SPOCK1: variants seen among roughly 807,000 people sequenced by gnomAD.
SPOCK1 encodes testican-1.
A neutral mutation model predicts 55.3 loss-of-function variants in SPOCK1; 23 were observed. That is an observed-to-expected ratio of 0.42 (90% confidence interval 0.30 to 0.59). SPOCK1 has a LOEUF of 0.59. SPOCK1 is among the 20% of genes least tolerant of loss of function. SPOCK1 has a pLI of 0.22. For synonymous variants in SPOCK1, 226 were observed against 221.0 expected (o/e 1.02, Z -0.20); for missense variants, 499 against 552.5 (o/e 0.90, Z 0.97).
chr5:137,362,867 T>G (rs1750981026), intron 2 of SPOCK1, among the ~76,000 whole-genome samples: 1 of 152,234 alleles, frequency 6.6e-6, no homozygotes, highest in Admixed American at 6.5e-5. Context: ...AGCTCCTGAC[T>G]TAGCACTAAT....
chr5:137,358,929 T>C (rs1750882272), intron 2 of SPOCK1, among the ~76,000 whole-genome samples: 1 of 152,160 alleles, frequency 6.6e-6, no homozygotes, highest in South Asian at 2.1e-4. Flanking sequence ...TGGATGGTAC[T>C]GAAAGTATGA....
At position 137,207,123 on chromosome 5, in the gene SPOCK1, A is replaced by G. The variant is rs115028791; in HGVS notation, c.232+59887T>C. 4.1e-3 allele frequency among the ~76,000 whole-genome samples: 630 copies of G among 152,362 alleles called. 2 individuals carry two copies. The highest frequency in any genetic ancestry group is 0.015 in the African/African-American group (619 of 41,592). On this transcript the variant is annotated intron_variant, in intron 3 of 10. Coordinates refer to ENST00000394945, the MANE Select transcript of SPOCK1 (RefSeq NM_004598.4). ...TTCCCAGCTCCAGTCTCAGGTCTCC[A>G]GAATGTCCTCTTGCCCAGGTCCTCT...
intron 2 of SPOCK1, among the ~76,000 whole-genome samples, chr5:137,439,965 C>G (rs1014668975): frequency 3.3e-5 from 5 of 152,142 alleles, no homozygotes; most frequent in Non-Finnish European, 7.3e-5. Context: ...GTCCCTCTTA[C>G]AGATGAACAA....
chr5:137,138,179 T>C (rs1172910610), intron 4 of SPOCK1, among the ~76,000 whole-genome samples: 1 of 152,206 alleles, frequency 6.6e-6, no homozygotes, highest in Non-Finnish European at 1.5e-5. Flanking sequence ...ATAGCCAACC[T>C]GGGAATTGAG....
chr5:137,040,566 G>C (rs1429761530), intron 6 of SPOCK1, among the ~76,000 whole-genome samples: 1 of 152,224 alleles, frequency 6.6e-6, no homozygotes, highest in Admixed American at 6.5e-5. Flanking sequence ...CCATAGAAGT[G>C]ACCAGAGAAG....
chr5:137,254,126 C>T (rs1291705909), intron 3 of SPOCK1, among the ~76,000 whole-genome samples: 1 of 152,146 alleles, frequency 6.6e-6, no homozygotes, highest in Non-Finnish European at 1.5e-5. Context: ...AAGCAAAAAT[C>T]ATAATTATTA....
At chr5:137,330,273 C>T (rs11740211) in intron 2 of SPOCK1, among the ~76,000 whole-genome samples, 32,722 of 152,026 alleles carry the variant, frequency 0.22, 3,692 homozygotes, top group African/African-American at 0.28. Flanking sequence ...TTGTCAGTGG[C>T]GAGCGGCTTT....
intron 3 of SPOCK1, among the ~76,000 whole-genome samples, chr5:137,142,400 A>G (rs1754117368): frequency 6.6e-6 from 1 of 152,160 alleles, no homozygotes; most frequent in Non-Finnish European, 1.5e-5. Flanking sequence ...CACAACATCC[A>G]AAAGCATTTC....
intron 2 of SPOCK1, among the ~76,000 whole-genome samples, chr5:137,436,725 G>C (rs1752872882): frequency 6.6e-6 from 1 of 152,210 alleles, no homozygotes; most frequent in African/African-American, 2.4e-5. Flanking sequence ...ATCACACAGA[G>C]AGAAACTGGC....
chr5:137,302,073 A>C (rs1041101261), intron 2 of SPOCK1, among the ~76,000 whole-genome samples: 1 of 152,224 alleles, frequency 6.6e-6, no homozygotes, highest in Non-Finnish European at 1.5e-5. Context: ...CTGCCAAATA[A>C]TATTGCAGAA....
chr5:137,116,386 T>C (rs1479567612), intron 4 of SPOCK1, among the ~76,000 whole-genome samples: 1 of 152,216 alleles, frequency 6.6e-6, no homozygotes, highest in African/African-American at 2.4e-5. Context: ...GCTCAACGCC[T>C]AAAATCCCAG....
At chr5:137,109,265 G>A (rs946441542) in intron 5 of SPOCK1, among the ~76,000 whole-genome samples, 2 of 152,198 alleles carry the variant, frequency 1.3e-5, no homozygotes, top group Non-Finnish European at 1.5e-5. Flanking sequence ...AACATTGCAA[G>A]GAGCTGCTAA....
intron 2 of SPOCK1, among the ~76,000 whole-genome samples, chr5:137,384,220 G>A (rs1403758328): frequency 1.3e-5 from 2 of 152,196 alleles, no homozygotes; most frequent in Admixed American, 1.3e-4. Flanking sequence ...TTTGTGGCGG[G>A]AACAAGGCCT....
chr5:137,203,677 C>CG (rs2127077603), intron 3 of SPOCK1, among the ~76,000 whole-genome samples: 1 of 152,264 alleles, frequency 6.6e-6, no homozygotes, highest in African/African-American at 2.4e-5. Context: ...ACTTGGCATA[C>CG]GGGGCCACGT....
chr5:137,401,282 G>A (rs908509927), intron 2 of SPOCK1, among the ~76,000 whole-genome samples: 4 of 152,162 alleles, frequency 2.6e-5, no homozygotes, highest in African/African-American at 7.2e-5. Context: ...CTTGTGGGGG[G>A]CAGGGGGAAA....
chr5:137,070,719 C>G (rs1752595529), intron 5 of SPOCK1, among the ~76,000 whole-genome samples: 1 of 152,190 alleles, frequency 6.6e-6, no homozygotes, highest in African/African-American at 2.4e-5. Context: ...TCACCCCAGC[C>G]TATCATTGGA....
At chr5:137,183,570 T>C (rs2127065684) in intron 3 of SPOCK1, among the ~76,000 whole-genome samples, 1 of 152,352 alleles carries the variant, frequency 6.6e-6, no homozygotes, top group Non-Finnish European at 1.5e-5. Flanking sequence ...CAAGATTCTG[T>C]ACTTTTAAGT....
chr5:137,494,785 T>C (rs975542091), intron 2 of SPOCK1, among the ~76,000 whole-genome samples: 7 of 152,184 alleles, frequency 4.6e-5, no homozygotes, highest in Non-Finnish European at 8.8e-5. Flanking sequence ...TAGTCAATGG[T>C]AGATAAATAT....
intron 2 of SPOCK1, among the ~76,000 whole-genome samples, chr5:137,491,400 G>A (rs557020416): frequency 3.3e-5 from 5 of 152,190 alleles, no homozygotes; most frequent in East Asian, 1.9e-4. Context: ...ATACACATTC[G>A]AAGCTAGTAT....
Sources: gnomAD v4.1 joint callset for allele counts (sites outside exome capture counted in the v4.1 genomes callset) on GRCh38, gnomAD v4.1.1 for gene constraint, MANE v1.5 for transcripts, NCBI Gene and HGNC (gene_info 2026-07-23, HGNC 2026-07-21) for gene names.